KIF6: variants seen among roughly 807,000 people sequenced by gnomAD.
KIF6 encodes kinesin family member 6, also known as kinesin-like protein KIF6.
KIF6 carries 106 observed loss-of-function variants against 112.7 expected under a neutral mutation model. The ratio of observed to expected loss-of-function variants is 0.94; its 90% CI spans 0.80 to 1.11. KIF6 has a LOEUF of 1.11. Ranked by LOEUF, KIF6 falls within the 50% of genes least tolerant of loss-of-function variation. The probability of loss-of-function intolerance (pLI) is 0.00; values close to 1 mark genes in which losing one functional copy is unlikely to be tolerated. For missense variants in KIF6, 929 were observed against 964.0 expected (o/e 0.96, Z 0.48); for synonymous variants, 339 against 339.9 (o/e 1.00, Z 0.03).
At chr6:39,660,928 A>T (rs1261522997) in intron 3 of KIF6, among the ~76,000 whole-genome samples, 1 of 152,122 alleles carries the variant, frequency 6.6e-6, no homozygotes, top group Non-Finnish European at 1.5e-5. Context: ...GTCCCCATGA[A>T]ATCACCTTGC....
At chr6:39,355,947 A>T (rs550302895) in intron 19 of KIF6, among the ~76,000 whole-genome samples, 1 of 152,110 alleles carries the variant, frequency 6.6e-6, no homozygotes, top group Admixed American at 6.6e-5. Context: ...CATTGTTATT[A>T]ACTAAAGGCC....
intron 9 of KIF6, chr6:39,583,272 C>T (rs910211159): frequency 1.8e-5 from 7 of 394,504 alleles, no homozygotes; most frequent in Non-Finnish European, 3.7e-5. Flanking sequence ...CACTGTAATG[C>T]TATAGGGCTT....
chr6:39,442,216 G>A (rs548354799), intron 13 of KIF6, among the ~76,000 whole-genome samples: 2 of 152,128 alleles, frequency 1.3e-5, no homozygotes, highest in Non-Finnish European at 2.9e-5. Flanking sequence ...CACCTGCTGC[G>A]GCTGCCTCCT....
chr6:39,478,603 G>A (rs1006211168), intron 13 of KIF6, among the ~76,000 whole-genome samples: 9 of 151,998 alleles, frequency 5.9e-5, no homozygotes, highest in Non-Finnish European at 1.2e-4. Flanking sequence ...AGTTCTTTAA[G>A]GAATCGCCGC....
intron 13 of KIF6, among the ~76,000 whole-genome samples, chr6:39,534,213 A>T (rs940512096): frequency 2.0e-5 from 3 of 152,230 alleles, no homozygotes; most frequent in African/African-American, 7.2e-5. Flanking sequence ...CTGGACGGAG[A>T]ATGACTTTGA....
intron 3 of KIF6, among the ~76,000 whole-genome samples, chr6:39,671,481 G>C (rs1349521814): frequency 1.3e-5 from 2 of 152,142 alleles, no homozygotes; most frequent in East Asian, 3.9e-4. Context: ...CTAGGCATTG[G>C]TGCCTGAAGC....
chr6:39,391,694 G>T (rs747784891), intron 15 of KIF6, among the ~76,000 whole-genome samples: 1 of 152,114 alleles, frequency 6.6e-6, no homozygotes, highest in Non-Finnish European at 1.5e-5. Context: ...CAAAATATAT[G>T]AATAAATCTC....
intron 15 of KIF6, among the ~76,000 whole-genome samples, chr6:39,401,497 C>T (rs150444717): frequency 6.6e-6 from 1 of 152,274 alleles, no homozygotes; most frequent in African/African-American, 2.4e-5. Context: ...AATTGGAGCT[C>T]AATCCCACTT....
At chr6:39,362,377 G>T in intron 17 of KIF6, 57 bp downstream of exon 17, 1 of 1,334,604 alleles carries the variant, frequency 7.5e-7, no homozygotes, top group South Asian at 1.2e-5. Flanking sequence ...GCTCCAGGAC[G>T]ACACTGAGAC....
At chr6:39,546,644 A>G (rs538712732) in intron 10 of KIF6, among the ~76,000 whole-genome samples, 3 of 152,122 alleles carry the variant, frequency 2.0e-5, no homozygotes, top group South Asian at 4.2e-4. Context: ...TGACCAACAG[A>G]GTGAAACCCC....
At chr6:39,575,091 C>A in intron 10 of KIF6, among the ~76,000 whole-genome samples, 1 of 152,032 alleles carries the variant, frequency 6.6e-6, no homozygotes, top group East Asian at 1.9e-4. Context: ...AGTTCTAAGG[C>A]CCTATGGGTT....
intron 13 of KIF6, among the ~76,000 whole-genome samples, chr6:39,520,491 C>T (rs1275337124): frequency 1.3e-5 from 2 of 152,192 alleles, no homozygotes; most frequent in African/African-American, 4.8e-5. Context: ...CTCCAAGAAC[C>T]TCTGCTCACT....
At chr6:39,385,754 C>CAT (rs1353820724) in intron 15 of KIF6, 82 bp from the exon 16 acceptor site, 76 of 394,706 alleles carry the variant, frequency 1.9e-4, no homozygotes, top group East Asian at 5.6e-4. Context: ...TGGCAAGCTA[C>CAT]AGAAAAAAAA....
chr6:39,532,947 C>A (rs755940482), intron 13 of KIF6, among the ~76,000 whole-genome samples: 10 of 152,186 alleles, frequency 6.6e-5, no homozygotes, highest in Non-Finnish European at 1.3e-4. Context: ...CAGAAACACA[C>A]GCGAATGAAC....
At chr6:39,623,773 C>T (rs754572678) in intron 5 of KIF6, among the ~76,000 whole-genome samples, 2 of 152,306 alleles carry the variant, frequency 1.3e-5, no homozygotes, top group Non-Finnish European at 2.9e-5. Context: ...CTAACTGCTA[C>T]GGAAGTTCCA....
intron 3 of KIF6, among the ~76,000 whole-genome samples, chr6:39,695,076 C>T (rs1788443887): frequency 1.3e-5 from 2 of 152,054 alleles, no homozygotes; most frequent in South Asian, 4.2e-4. Context: ...GGAAAGGATA[C>T]CCTATTGAAT....
intron 22 of KIF6, among the ~76,000 whole-genome samples, chr6:39,336,884 TCCTTCCTTC>T (rs982388639): frequency 1.7e-4 from 25 of 148,870 alleles, no homozygotes; most frequent in Admixed American, 2.0e-4. Flanking sequence ...CTTTCTTCTG[TCCTTCCTTC>T]CCTTCCTTCC....
At chr6:39,412,122 G>A (rs1439530368) in intron 15 of KIF6, among the ~76,000 whole-genome samples, 1 of 152,050 alleles carries the variant, frequency 6.6e-6, no homozygotes, top group Non-Finnish European at 1.5e-5. Flanking sequence ...CTCTATATAT[G>A]ATAATTATTA....
At chr6:39,585,335 C>T (rs1342371862) in intron 8 of KIF6, among the ~76,000 whole-genome samples, 1 of 152,138 alleles carries the variant, frequency 6.6e-6, no homozygotes, top group African/African-American at 2.4e-5. Flanking sequence ...CAATTGGGTT[C>T]ACGCTCTTAT....
Sources: gnomAD v4.1 joint callset for allele counts (sites outside exome capture counted in the v4.1 genomes callset) on GRCh38, gnomAD v4.1.1 for gene constraint, MANE v1.5 for transcripts, NCBI Gene and HGNC (gene_info 2026-07-23, HGNC 2026-07-21) for gene names.